CNTN5: variants seen among roughly 807,000 people sequenced by gnomAD.
CNTN5 encodes the protein contactin 5.
Under a neutral mutation model 129.1 loss-of-function variants are expected in CNTN5, and 77 were observed. The observed-to-expected ratio is 0.60, with a 90% confidence interval of 0.50 to 0.72. The LOEUF is 0.72. Ranked by LOEUF, CNTN5 falls within the 30% of genes least tolerant of loss-of-function variation. CNTN5 has a pLI of 0.00. For synonymous variants in CNTN5, 509 were observed against 465.6 expected (o/e 1.09, Z -1.20); for missense variants, 1,478 against 1,328.8 (o/e 1.11, Z -1.75).
intron 1 of CNTN5, among the ~76,000 whole-genome samples, chr11:99,142,267 G>GC (rs1859557084): frequency 6.7e-6 from 1 of 150,200 alleles, no homozygotes; most frequent in Admixed American, 6.7e-5. Flanking sequence ...CAGGGTTGTG[G>GC]CAGTGGGGTT....
chr11:99,569,684 G>A (rs1949117267), intron 3 of CNTN5, among the ~76,000 whole-genome samples: 1 of 152,088 alleles, frequency 6.6e-6, no homozygotes, highest in African/African-American at 2.4e-5. Context: ...CCACTAGTAT[G>A]GAGGCATGAT....
chr11:99,708,548 CAAATT>C (rs951612105), intron 3 of CNTN5, among the ~76,000 whole-genome samples: 1 of 151,678 alleles, frequency 6.6e-6, no homozygotes, highest in South Asian at 2.1e-4. Context: ...TTTCAAAACT[CAAATT>C]AGATATATGA....
chr11:99,584,755 G>T (rs1001264206), intron 3 of CNTN5, among the ~76,000 whole-genome samples: 2 of 152,342 alleles, frequency 1.3e-5, no homozygotes, highest in African/African-American at 4.8e-5. Context: ...GCTTTCATTT[G>T]AGATTGTGTA....
At chr11:99,406,561 C>T (rs765956650) in intron 2 of CNTN5, among the ~76,000 whole-genome samples, 2 of 152,222 alleles carry the variant, frequency 1.3e-5, no homozygotes, top group South Asian at 2.1e-4. Flanking sequence ...CTAACTACTG[C>T]CTATGCTCAT....
intron 8 of CNTN5, among the ~76,000 whole-genome samples, chr11:99,969,467 G>A (rs1027530434): frequency 2.0e-4 from 30 of 152,054 alleles, no homozygotes; most frequent in African/African-American, 7.2e-4. Context: ...TTAATATTCA[G>A]ATTTCTTGAG....
At chr11:100,218,238 A>G (rs1257057054) in intron 15 of CNTN5, among the ~76,000 whole-genome samples, 1 of 152,256 alleles carries the variant, frequency 6.6e-6, no homozygotes, top group Non-Finnish European at 1.5e-5. Context: ...ATATCACTGT[A>G]GTTTCTAACA....
At chr11:99,819,487 A>G (rs1946715499) in intron 3 of CNTN5, 57 bp from the exon 4 acceptor site, 2 of 1,462,070 alleles carry the variant, frequency 1.4e-6, no homozygotes, top group Non-Finnish European at 9.4e-7. Context: ...TCTTCATAAG[A>G]AAAAAATAAA....
chr11:99,989,145 A>G (rs1238176877), intron 8 of CNTN5, among the ~76,000 whole-genome samples: 2 of 152,226 alleles, frequency 1.3e-5, no homozygotes, highest in Non-Finnish European at 2.9e-5. Context: ...TAGTTAAATC[A>G]CAATTGAAAA....
At chr11:100,079,777 C>T (rs1186052230) in intron 13 of CNTN5, among the ~76,000 whole-genome samples, 3 of 152,040 alleles carry the variant, frequency 2.0e-5, no homozygotes, top group Non-Finnish European at 4.4e-5. Context: ...CTAATAAACT[C>T]CAGAAGTACT....
intron 2 of CNTN5, among the ~76,000 whole-genome samples, chr11:99,330,373 G>A (rs1242421666): frequency 1.3e-5 from 2 of 151,884 alleles, no homozygotes; most frequent in African/African-American, 2.4e-5. Context: ...TGGGATATAA[G>A]ACTAACAAAG....
intron 3 of CNTN5, among the ~76,000 whole-genome samples, chr11:99,770,813 A>G (rs549768939): frequency 6.6e-6 from 1 of 152,276 alleles, no homozygotes; most frequent in Non-Finnish European, 1.5e-5. Context: ...AAATCATAAA[A>G]TTTGTATGGA....
chr11:99,234,853 C>T (rs1861186073), intron 1 of CNTN5, among the ~76,000 whole-genome samples: 1 of 152,114 alleles, frequency 6.6e-6, no homozygotes, highest in Non-Finnish European at 1.5e-5. Context: ...CAATAAGCAT[C>T]ATCATCACCA....
At chr11:99,686,481 A>G (rs1285850032) in intron 3 of CNTN5, among the ~76,000 whole-genome samples, 1 of 152,112 alleles carries the variant, frequency 6.6e-6, no homozygotes, top group Admixed American at 6.6e-5. Flanking sequence ...TAGCAAACAA[A>G]CATCATTTTT....
intron 2 of CNTN5, among the ~76,000 whole-genome samples, chr11:99,425,667 C>G (rs981117264): frequency 2.0e-5 from 3 of 152,270 alleles, no homozygotes; most frequent in Admixed American, 6.5e-5. Context: ...GGAGCAGACA[C>G]TTAGGAGCTT....
intron 10 of CNTN5, among the ~76,000 whole-genome samples, chr11:100,062,517 C>G (rs1943525425): frequency 6.6e-6 from 1 of 152,148 alleles, no homozygotes; most frequent in Non-Finnish European, 1.5e-5. Context: ...AGCAATAGAG[C>G]CTTGAAGTAA....
chr11:99,434,223 G>GA, intron 2 of CNTN5, among the ~76,000 whole-genome samples: 1 of 152,100 alleles, frequency 6.6e-6, no homozygotes, highest in African/African-American at 2.4e-5. Context: ...CAATATTGTG[G>GA]AAAAATATAT....
At chr11:99,680,334 AT>A (rs1380383578) in intron 3 of CNTN5, among the ~76,000 whole-genome samples, 5 of 152,136 alleles carry the variant, frequency 3.3e-5, no homozygotes, top group Non-Finnish European at 7.4e-5. Flanking sequence ...TTCAACCTGT[AT>A]TGTTAAGTTG....
chr11:99,743,593 C>T (rs1025589067), intron 3 of CNTN5, among the ~76,000 whole-genome samples: 2 of 152,264 alleles, frequency 1.3e-5, no homozygotes. Flanking sequence ...GTGTTTCTTA[C>T]ACCATCATAC....
chr11:99,032,980 G>A (rs9667074), intron 1 of CNTN5, among the ~76,000 whole-genome samples: 13,926 of 101,868 alleles, frequency 0.14, 1,513 homozygotes, highest in East Asian at 0.35. Context: ...TCAGCTTTCT[G>A]CATATGGCTA....
Sources: allele counts gnomAD v4.1 joint callset (sites outside exome capture counted in the v4.1 genomes callset), GRCh38; gene constraint gnomAD v4.1.1; transcripts MANE v1.5; gene names NCBI Gene and HGNC (gene_info 2026-07-23, HGNC 2026-07-21).